The following AIM2 variants were observed in gnomAD, a reference collection of about 807,000 sequenced individuals.
The protein encoded by AIM2 is absent in melanoma 2.
Under a neutral mutation model 27.7 loss-of-function variants are expected in AIM2, and 30 were observed. The ratio of observed to expected loss-of-function variants is 1.08; its 90% CI spans 0.81 to 1.47. The LOEUF is 1.47. Ranked by LOEUF, AIM2 falls within the 40% of genes most tolerant of loss-of-function variation. AIM2 has a pLI of 0.00. For synonymous variants in AIM2, 141 were observed against 145.3 expected (o/e 0.97, Z 0.21); for missense variants, 358 against 411.3 (o/e 0.87, Z 1.12).
chr1:159,076,343 T>C (rs904775048), intron 1 of AIM2, among the ~76,000 whole-genome samples: 4 of 152,196 alleles, frequency 2.6e-5, no homozygotes, highest in East Asian at 1.9e-4. Context: ...TCTGTTAACT[T>C]AAAAAATGCT....
At chr1:159,065,436 C>G (rs1656042911) in intron 4 of AIM2, among the ~76,000 whole-genome samples, 1 of 152,100 alleles carries the variant, frequency 6.6e-6, no homozygotes, top group East Asian at 1.9e-4. Context: ...AAAAAGTCTC[C>G]TCAGGCTAAC....
At chr1:159,090,579 G>A (rs1657021625) in intron 1 of AIM2, among the ~76,000 whole-genome samples, 1 of 152,080 alleles carries the variant, frequency 6.6e-6, no homozygotes, top group Admixed American at 6.5e-5. Context: ...TTATTTAAAT[G>A]CCTTCTATGG....
intron 2 of AIM2, among the ~76,000 whole-genome samples, chr1:159,072,359 C>G (rs1297243143): frequency 3.9e-5 from 6 of 152,228 alleles, no homozygotes; most frequent in Non-Finnish European, 1.5e-5. Flanking sequence ...GAAGCCATGT[C>G]ACCCTTGTTG....
upstream of AIM2, among the ~76,000 whole-genome samples, chr1:159,144,170 T>G (rs1648164438): frequency 6.6e-6 from 1 of 152,210 alleles, no homozygotes; most frequent in African/African-American, 2.4e-5. Context: ...CTCTATTCCA[T>G]GAGTTAATTC....
chr1:159,120,260 G>A (rs1171484076), intron 1 of AIM2, among the ~76,000 whole-genome samples: 8 of 152,096 alleles, frequency 5.3e-5, no homozygotes, highest in Non-Finnish European at 1.2e-4. Context: ...GAAAAATTGT[G>A]CCACCAAAAG....
At chr1:159,069,546 C>CT (rs760527368) in intron 2 of AIM2, among the ~76,000 whole-genome samples, 402 of 142,002 alleles carry the variant, frequency 2.8e-3, no homozygotes, top group African/African-American at 5.5e-3. Context: ...TGATTTCTTT[C>CT]TTTTTTTTTT....
chr1:159,058,980 C>T (rs1655744533), downstream of AIM2, among the ~76,000 whole-genome samples: 1 of 152,142 alleles, frequency 6.6e-6, no homozygotes, highest in East Asian at 1.9e-4. Flanking sequence ...TCTGTGGCTC[C>T]ACCCCAGTGC....
intron 2 of AIM2, among the ~76,000 whole-genome samples, chr1:159,071,907 A>T (rs1157547235): frequency 6.6e-6 from 1 of 152,016 alleles, no homozygotes; most frequent in Non-Finnish European, 1.5e-5. Context: ...GCTAGTCCCA[A>T]ACTGGATCTT....
intron 1 of AIM2, among the ~76,000 whole-genome samples, chr1:159,114,835 C>A (rs1056757378): frequency 1.7e-4 from 26 of 152,118 alleles, no homozygotes; most frequent in Non-Finnish European, 3.4e-4. Context: ...CTGGCCAGGG[C>A]AATCAGGCAG....
At position 159,140,280 on chromosome 1, in the gene AIM2, C is replaced by T. The variant is rs184054874; in HGVS notation, c.-16+151G>A. Among the ~76,000 whole-genome samples, 16 of 152,316 alleles carry T rather than the reference C, an allele frequency of 1.1e-4. No homozygotes were observed. The East Asian group carries it at 3.1e-3, about 29-fold the overall frequency. ...ACCCAGAAATGTAAAGCTATGTTAG[C>T]TCTTACTAGAAGAATTTTAAGTCTT... On this transcript the variant is annotated intron_variant, in intron 1 of 2. Coordinates refer to the AIM2 transcript ENST00000368129.
At chr1:159,065,878 T>C in intron 4 of AIM2, 32 bp downstream of exon 4, 1 of 1,546,762 alleles carries the variant, frequency 6.5e-7, no homozygotes, top group Non-Finnish European at 8.7e-7. Context: ...TTATTCTTAC[T>C]AATCAATATG....
At chr1:159,084,591 C>T (rs1258678253) in intron 1 of AIM2, among the ~76,000 whole-genome samples, 2 of 151,860 alleles carry the variant, frequency 1.3e-5, no homozygotes, top group African/African-American at 2.4e-5. Context: ...GAGCAAAAAA[C>T]GGCGACCTTA....
chr1:159,096,116 A>G (rs1273198567), intron 1 of AIM2, among the ~76,000 whole-genome samples: 7 of 152,194 alleles, frequency 4.6e-5, no homozygotes, highest in African/African-American at 1.7e-4. Flanking sequence ...TTCCTGATTC[A>G]ACATAAACAC....
chr1:159,131,344 C>CAT (rs891744881), intron 1 of AIM2, among the ~76,000 whole-genome samples: 9 of 151,956 alleles, frequency 5.9e-5, no homozygotes, highest in East Asian at 3.9e-4. Flanking sequence ...TGAATTTGTG[C>CAT]ATATATATAT....
intron 1 of AIM2, among the ~76,000 whole-genome samples, chr1:159,110,482 T>A (rs1191749128): frequency 6.6e-6 from 1 of 152,182 alleles, no homozygotes; most frequent in Non-Finnish European, 1.5e-5. Flanking sequence ...AAATTCTATG[T>A]TCCTTTAGAC....
At chr1:159,066,375 C>T in intron 3 of AIM2, 46 bp from the exon 4 acceptor site, 1 of 1,557,626 alleles carries the variant, frequency 6.4e-7, no homozygotes, top group Non-Finnish European at 8.7e-7. Context: ...CAAAAAGGTA[C>T]TATTGAAAGG....
intron 1 of AIM2, among the ~76,000 whole-genome samples, chr1:159,127,256 T>C (rs577663130): frequency 3.6e-4 from 55 of 152,232 alleles, no homozygotes; most frequent in Non-Finnish European, 7.5e-4. Context: ...TTCATATACA[T>C]TCCATATACC....
chr1:159,060,296 A>G (rs1655790970), downstream of AIM2, among the ~76,000 whole-genome samples: 1 of 152,188 alleles, frequency 6.6e-6, no homozygotes, highest in African/African-American at 2.4e-5. Context: ...GTCTCTTTAA[A>G]GTTTCATCTT....
At chr1:159,109,061 C>T (rs1353322376) in intron 1 of AIM2, among the ~76,000 whole-genome samples, 1 of 152,100 alleles carries the variant, frequency 6.6e-6, no homozygotes, top group African/African-American at 2.4e-5. Context: ...TCATAAGGAA[C>T]CAAAAAACAG....
Sources: allele counts gnomAD v4.1 joint callset (sites outside exome capture counted in the v4.1 genomes callset), GRCh38; gene constraint gnomAD v4.1.1; transcripts MANE v1.5; gene names NCBI Gene and HGNC (gene_info 2026-07-23, HGNC 2026-07-21).